Variants in GSR observed in about 807,000 individuals in gnomAD.
GSR encodes the protein glutathione reductase, mitochondrial.
In GSR, 48 loss-of-function variants were observed where a neutral mutation model predicts 56.5. The observed-to-expected ratio is 0.85, with a 90% CI of 0.67 to 1.08. The LOEUF (loss-of-function observed/expected upper bound fraction) is 1.08, where lower values mean the gene tolerates loss of function less well. Among genes scored for constraint, GSR ranks in the 50% least tolerant of loss-of-function variants. The pLI is 0.00. For missense variants in GSR, 694 were observed against 703.3 expected (o/e 0.99, Z 0.15); for synonymous variants, 264 against 270.8 (o/e 0.97, Z 0.25).
At chr8:30,720,351 A>G (rs1804491013) in intron 1 of GSR, among the ~76,000 whole-genome samples, 1 of 152,232 alleles carries the variant, frequency 6.6e-6, no homozygotes. Context: ...CTCAGAAAAT[A>G]GACGAGTCAT....
chr8:30,688,882 C>T (rs1803259898), intron 9 of GSR, among the ~76,000 whole-genome samples: 1 of 151,760 alleles, frequency 6.6e-6, no homozygotes, highest in Admixed American at 6.6e-5. Context: ...ATGATCACAC[C>T]ACTGAACTCC....
chr8:30,698,855 T>A (rs148646781), intron 6 of GSR, among the ~76,000 whole-genome samples: 3 of 133,184 alleles, frequency 2.3e-5, no homozygotes, highest in Non-Finnish European at 4.9e-5. Context: ...CGCCAACACA[T>A]TGGGTCCCTC....
intron 4 of GSR, among the ~76,000 whole-genome samples, chr8:30,707,475 AAC>A: frequency 1.3e-5 from 2 of 152,270 alleles, no homozygotes; most frequent in East Asian, 3.9e-4. Flanking sequence ...CAGCCTAGGC[AAC>A]ACAGTGAGAA....
chr8:30,721,006 G>A (rs1364366967), intron 1 of GSR, among the ~76,000 whole-genome samples: 1 of 152,116 alleles, frequency 6.6e-6, no homozygotes, highest in Non-Finnish European at 1.5e-5. Context: ...TGAGGCAGGA[G>A]GATCATCTGA....
At position 30,684,600 on chromosome 8, in the gene GSR, T is replaced by C. The variant is rs8191022; in HGVS notation, c.1042-401A>G. 2.9e-3 allele frequency among the ~76,000 whole-genome samples: 436 copies of C among 152,296 alleles called. 1 individual carries two copies. The highest frequency in any genetic ancestry group is 5.6e-3 in the Non-Finnish European group (378 of 68,040). On this transcript the variant is annotated intron_variant, in intron 9 of 12. Transcript: ENST00000221130. ...CAGGATTTGACATTGCAATGTACAA[T>C]TCAACTGGCCAGGCAGACATGAAGA...
At chr8:30,700,510 G>A (rs879311128) in intron 5 of GSR, among the ~76,000 whole-genome samples, 4 of 151,914 alleles carry the variant, frequency 2.6e-5, no homozygotes, top group Non-Finnish European at 5.9e-5. Flanking sequence ...AAATTTCTAT[G>A]TAGTTCAAAA....
intron 12 of GSR, 99 bp downstream of exon 12, chr8:30,680,805 G>A (rs1802926040): frequency 9.5e-7 from 1 of 1,056,050 alleles, no homozygotes; most frequent in South Asian, 1.3e-5. Flanking sequence ...TGAATCAGAA[G>A]GCTCAACTGC....
chr8:30,683,643 C>T (rs565628662), intron 10 of GSR, among the ~76,000 whole-genome samples: 1 of 151,740 alleles, frequency 6.6e-6, no homozygotes, highest in East Asian at 1.9e-4. Context: ...ACCTGTGATC[C>T]TAGCTACTTG....
At chr8:30,712,140 A>C (rs1239928973) in intron 1 of GSR, 52 bp from the exon 2 acceptor site, 2 of 1,004,480 alleles carry the variant, frequency 2.0e-6, no homozygotes, top group Non-Finnish European at 3.1e-6. Flanking sequence ...TCAAACCATC[A>C]AACGAAATCT....
At chr8:30,707,998 A>G in intron 4 of GSR, 74 bp downstream of exon 4, 2 of 906,332 alleles carry the variant, frequency 2.2e-6, no homozygotes. Flanking sequence ...ATAGGGCTAC[A>G]GTCTGGCAAG....
intron 5 of GSR, among the ~76,000 whole-genome samples, chr8:30,701,232 A>G (rs1454487798): frequency 1.3e-5 from 2 of 152,028 alleles, no homozygotes; most frequent in African/African-American, 4.8e-5. Context: ...TTGGGAGACT[A>G]AGACAGGCAG....
chr8:30,689,861 T>A (rs1044092458), intron 8 of GSR, among the ~76,000 whole-genome samples: 66 of 142,582 alleles, frequency 4.6e-4, no homozygotes, highest in African/African-American at 1.6e-3. Flanking sequence ...ATAAATATAT[T>A]TATATATAAA....
At chr8:30,682,181 G>T in intron 10 of GSR, 120 bp from the exon 11 acceptor site, 1 of 828,146 alleles carries the variant, frequency 1.2e-6, no homozygotes, top group Non-Finnish European at 2.1e-6. Flanking sequence ...TCACACCATT[G>T]TTCATTACAC....
intron 1 of GSR, among the ~76,000 whole-genome samples, chr8:30,714,649 C>T (rs1381305808): frequency 6.6e-6 from 1 of 151,980 alleles, no homozygotes; most frequent in African/African-American, 2.4e-5. Flanking sequence ...TGTGAGCTAC[C>T]ATACGTGGCC....
intron 11 of GSR, 144 bp downstream of exon 11, chr8:30,681,786 G>A (rs1029973364): frequency 7.2e-5 from 54 of 749,702 alleles, no homozygotes; most frequent in Middle Eastern, 6.6e-4. Context: ...GGAGAAAACT[G>A]GAACTGTGAC....
Position 30,703,139 on chromosome 8 carries a change from G to C in GSR, c.594C>G (p.Ile198Met), listed in dbSNP as rs1201118855. 2 of 1,614,128 alleles carry C rather than the reference G, an allele frequency of 1.2e-6. No homozygotes were observed. Among genetic ancestry groups the C allele is most frequent in the Non-Finnish European group, 1.7e-6 (2 of 1,180,004 alleles). ...GGGTGGAGGGCATACCACCTGTGGC[G>C]ATCAGGATGTGTGGGGCGGTGTACT... ...GKKYTAPHIL[I>M]ATGGMPSTPH... Residue 198 changes from isoleucine to methionine, a missense_variant, in exon 5 of 13, where the codon ATC becomes ATG. Transcript: ENST00000221130.
intron 4 of GSR, among the ~76,000 whole-genome samples, 199 bp downstream of exon 4, chr8:30,707,872 GC>G (rs1803967901): frequency 6.6e-6 from 1 of 152,050 alleles, no homozygotes; most frequent in Non-Finnish European, 1.5e-5. Flanking sequence ...CAGGAGAATT[GC>G]TTGAACTCAG....
chr8:30,711,914 T>A, intron 2 of GSR, 148 bp downstream of exon 2: 1 of 425,916 alleles, frequency 2.3e-6, no homozygotes, highest in Non-Finnish European at 4.3e-6. Context: ...ACAAAAACAA[T>A]CCTATTGCTT....
intron 4 of GSR, among the ~76,000 whole-genome samples, chr8:30,703,782 C>G (rs8190969): frequency 0.084 from 10,660 of 127,072 alleles, 453 homozygotes; most frequent in South Asian, 0.21. Context: ...GGAAGGGGAG[C>G]AGGGGAAGGA....
Sources: gnomAD v4.1 joint callset for allele counts (sites outside exome capture counted in the v4.1 genomes callset) on GRCh38, gnomAD v4.1.1 for gene constraint, MANE v1.5 for transcripts, NCBI Gene and HGNC (gene_info 2026-07-23, HGNC 2026-07-21) for gene names.